Variants in FAM219A observed in about 807,000 individuals in gnomAD.
FAM219A encodes family with sequence similarity 219 member A.
In FAM219A, 7 loss-of-function variants were observed where a neutral mutation model predicts 23.4. The ratio of observed to expected loss-of-function variants is 0.30; its 90% CI spans 0.17 to 0.56. FAM219A has a LOEUF of 0.56. Ranked by LOEUF, FAM219A falls within the 20% of genes least tolerant of loss-of-function variation. FAM219A has a pLI of 0.92. For missense variants in FAM219A, 166 were observed against 246.9 expected, an observed-to-expected ratio of 0.67 and a Z score of 2.20; for synonymous variants, 93 against 99.0, an observed-to-expected ratio of 0.94 and a Z score of 0.36.
intron 1 of FAM219A, among the ~76,000 whole-genome samples, chr9:34,452,344 G>A (rs1823588647): frequency 6.6e-6 from 1 of 152,186 alleles, no homozygotes; most frequent in Admixed American, 6.5e-5. Context: ...TCTGTTATAA[G>A]AAGTCCCTGA....
At chr9:34,436,245 A>AT (rs1001950932) in intron 1 of FAM219A, among the ~76,000 whole-genome samples, 3 of 151,138 alleles carry the variant, frequency 2.0e-5, no homozygotes, top group African/African-American at 4.9e-5. Context: ...AATTTCTGGG[A>AT]TTTTTTTGGG....
At chr9:34,450,128 A>G (rs1823508569) in intron 1 of FAM219A, among the ~76,000 whole-genome samples, 1 of 152,246 alleles carries the variant, frequency 6.6e-6, no homozygotes, top group Admixed American at 6.5e-5. Flanking sequence ...TCTAGGCAAC[A>G]TGGCGAAACC....
Position 34,455,864 on chromosome 9 carries a change from T to C in FAM219A, c.60+2340A>G, listed in dbSNP as rs559592634. Among the ~76,000 whole-genome samples the C allele has an allele frequency of 2.0e-5, 3 of 152,306 alleles. 1 individual carries two copies. The highest frequency in any genetic ancestry group is 2.1e-4 in the South Asian group (1 of 4,826). ...GACCCTCAAATGAGGGATGACTATA[T>C]TGCTATTTCCATAAGGCTCTCACTC... On this transcript the variant is annotated intron_variant, in intron 1 of 5. Transcript: ENST00000651358.
Position 34,458,078 on chromosome 9 carries a change from G to C in FAM219A, c.60+126C>G. ...GCAAGTCCCCGTCCCCCGGCAATAC[G>C]TTTTCAGGGATCTCTTTGCCCCATC... On this transcript the variant is annotated intron_variant, in intron 1 of 5. Coordinates refer to ENST00000651358, the MANE Select transcript of FAM219A (RefSeq NM_001184940.2). This position sits in a 1 kb window ranked among gnomAD's most constrained non-coding sequence, Gnocchi z 6.6. The C allele has an allele frequency of 1.1e-6, 1 of 871,414 alleles. No individual in the cohort carries two copies. The highest frequency in any genetic ancestry group is 1.6e-6 in the Non-Finnish European group (1 of 621,848). 54.0% of individuals were successfully genotyped at this position (871,414 alleles called of 1,614,324 possible).
intron 1 of FAM219A, among the ~76,000 whole-genome samples, chr9:34,415,590 G>A (rs1053551492): frequency 3.3e-5 from 5 of 152,264 alleles, no homozygotes; most frequent in Middle Eastern, 3.4e-3. Context: ...AGTCTTTTGC[G>A]TATACTACAG....
chr9:34,443,311 C>T (rs1028750679), intron 1 of FAM219A, among the ~76,000 whole-genome samples: 7 of 152,158 alleles, frequency 4.6e-5, no homozygotes, highest in Non-Finnish European at 1.0e-4. Context: ...ACTCTGCTAA[C>T]AGACTCAGCC....
chr9:34,439,316 C>T (rs773645432), intron 1 of FAM219A, among the ~76,000 whole-genome samples: 4 of 152,158 alleles, frequency 2.6e-5, no homozygotes, highest in Non-Finnish European at 4.4e-5. Flanking sequence ...ATGTCAGATA[C>T]GACATGGGGT....
chr9:34,422,126 C>G (rs765845322), intron 1 of FAM219A, among the ~76,000 whole-genome samples: 2 of 152,196 alleles, frequency 1.3e-5, no homozygotes, highest in African/African-American at 2.4e-5. Flanking sequence ...GGGGAGGCAG[C>G]TCTACTAAGA....
rs1823806306 is a variant in FAM219A, at chr9:34,457,803, C to G, written c.60+401G>C. Among the ~76,000 whole-genome samples, 2 of 152,122 alleles carry G rather than the reference C, an allele frequency of 1.3e-5. No homozygotes were observed. Among genetic ancestry groups the G allele is most frequent in the Admixed American group, 6.5e-5 (1 of 15,280 alleles). ...ATCTCTCTTAGCCTGACGGCTCCCC[C>G]GCCCTAAGCATCACAGGCCTCTAGG... On this transcript the variant is annotated intron_variant, in intron 1 of 5. Transcript: ENST00000651358. This position sits in a 1 kb window ranked among gnomAD's most constrained non-coding sequence, Gnocchi z 5.1.
chr9:34,423,187 C>T (rs1300923359), intron 1 of FAM219A, among the ~76,000 whole-genome samples: 1 of 152,046 alleles, frequency 6.6e-6, no homozygotes. Context: ...GGCCCCTGCC[C>T]ATGAAGAGCT....
At chr9:34,402,247 C>G (rs1225426506) in intron 4 of FAM219A, 140 bp downstream of exon 4, 3 of 1,611,302 alleles carry the variant, frequency 1.9e-6, no homozygotes, top group Non-Finnish European at 2.5e-6. Flanking sequence ...AATTCCCATC[C>G]CTGGAGAATT....
chr9:34,433,383 A>G (rs1355660647), intron 1 of FAM219A, among the ~76,000 whole-genome samples: 3 of 152,206 alleles, frequency 2.0e-5, no homozygotes, highest in Non-Finnish European at 4.4e-5. Context: ...CTTTAAAAAA[A>G]ATTATCAGCC....
chr9:34,445,930 T>C (rs1204553506), intron 1 of FAM219A, among the ~76,000 whole-genome samples: 1 of 152,150 alleles, frequency 6.6e-6, no homozygotes, highest in Non-Finnish European at 1.5e-5. Flanking sequence ...ATCCCAGCAC[T>C]TTGGGAGTCC....
intron 1 of FAM219A, among the ~76,000 whole-genome samples, chr9:34,456,446 G>C (rs1427858543): frequency 6.6e-6 from 1 of 152,192 alleles, no homozygotes; most frequent in Non-Finnish European, 1.5e-5. Flanking sequence ...TCCTTGAACA[G>C]CTATTTCCTT....
chr9:34,432,417 C>T (rs1822749656), intron 1 of FAM219A, among the ~76,000 whole-genome samples: 1 of 152,198 alleles, frequency 6.6e-6, no homozygotes, highest in African/African-American at 2.4e-5. Flanking sequence ...TGATCTTCTA[C>T]CACCTTGGGC....
intron 1 of FAM219A, among the ~76,000 whole-genome samples, chr9:34,418,401 A>G (rs1357337814): frequency 6.6e-6 from 1 of 152,218 alleles, no homozygotes; most frequent in Non-Finnish European, 1.5e-5. Context: ...GAGATAGGAT[A>G]AATACCTCAA....
chr9:34,429,382 T>C (rs189358242), intron 1 of FAM219A, among the ~76,000 whole-genome samples: 3 of 152,322 alleles, frequency 2.0e-5, no homozygotes, highest in Admixed American at 6.5e-5. Flanking sequence ...AGTGTTTTCA[T>C]TGAGCCTCAA....
In FAM219A at chr9:34,421,009, T is replaced by TGTGAGAGAGAGA. The variant is rs1554677406; in HGVS notation, c.61-15046_61-15045insTCTCTCTCTCAC. ...GTGTGTGTATGTGTGTGTGTGTGTG[T>TGTGAGAGAGAGA]GAGAGAGAGAGAGAGAGAGAGAGAG... On this transcript the variant is annotated intron_variant, in intron 1 of 5. Coordinates refer to ENST00000651358, the MANE Select transcript of FAM219A (RefSeq NM_001184940.2). 4.8e-3 allele frequency among the ~76,000 whole-genome samples: 413 copies of TGTGAGAGAGAGA among 86,414 alleles called. 3 individuals are homozygous for TGTGAGAGAGAGA. The highest frequency in any genetic ancestry group is 6.5e-3 in the Non-Finnish European group (295 of 45,214). 56.7% of individuals were successfully genotyped at this position (86,414 alleles called of 152,430 possible).
chr9:34,401,222 G>T, intron 5 of FAM219A, 100 bp from the exon 6 acceptor site: 2 of 1,409,092 alleles, frequency 1.4e-6, no homozygotes, highest in Non-Finnish European at 2.0e-6. Flanking sequence ...TCCAGCCAGT[G>T]CCCTGGATAT....
Sources: allele counts gnomAD v4.1 joint callset (sites outside exome capture counted in the v4.1 genomes callset), GRCh38; gene constraint gnomAD v4.1.1; non-coding constraint Gnocchi (gnomAD v3.1); transcripts MANE v1.5; gene names NCBI Gene and HGNC (gene_info 2026-07-23, HGNC 2026-07-21).